ZC3HAV1: variants seen among roughly 807,000 people sequenced by gnomAD.
The protein encoded by ZC3HAV1 is zinc finger CCCH-type containing, antiviral 1.
Under a neutral mutation model 86.6 loss-of-function variants are expected in ZC3HAV1, and 41 were observed. That is an observed-to-expected ratio of 0.47 (90% confidence interval 0.37 to 0.61). The LOEUF (loss-of-function observed/expected upper bound fraction) is 0.61, where lower values mean the gene tolerates loss of function less well. Ranked by LOEUF, ZC3HAV1 falls within the 20% of genes least tolerant of loss-of-function variation. The pLI is 0.00. For synonymous variants in ZC3HAV1, 421 were observed against 432.1 expected (o/e 0.97, Z 0.32); for missense variants, 964 against 1,141.1 (o/e 0.84, Z 2.24).
At position 139,083,827 on chromosome 7, in the gene ZC3HAV1, T is replaced by G; in HGVS notation, c.650A>C (p.Asp217Ala). The G allele has an allele frequency of 6.2e-7, 1 of 1,613,910 alleles. No homozygotes were observed. ...CTGCATGTGCTTGCTGTTGCAGATG[T>G]CCTGGATGTTCTGGACCACGTCGGG... Reference protein sequence around the residue: ...LNPDVVQNIQDICNSKHMQKN... With the variant: ...LNPDVVQNIQAICNSKHMQKN... The change falls in exon 3 of 13, where the codon GAC becomes GCC. Residue 217 changes from aspartate to alanine, a missense_variant. Transcript: ENST00000242351.
At position 139,076,312 on chromosome 7, in the gene ZC3HAV1, T is replaced by C. The variant is rs149884603; in HGVS notation, c.1671A>G (p.Lys557=). 104 of 1,614,060 alleles carry C rather than the reference T, an allele frequency of 6.4e-5. No individual in the cohort carries two copies. Among genetic ancestry groups the C allele is most frequent in the Non-Finnish European group, 8.4e-5 (99 of 1,180,036 alleles). The change falls in exon 6 of 13, where the codon AAA becomes AAG. Residue 557 remains lysine, a synonymous_variant. Transcript: ENST00000242351. Reference sequence around the variant, plus strand: ...GGTGGATTCCGGGGTTACAGTAGCCTTTCTCGATCGTCTCCATGTGCTCAA... The same window carrying C: ...GGTGGATTCCGGGGTTACAGTAGCCCTTCTCGATCGTCTCCATGTGCTCAA... ...TDFEHMETIE[K]GYCNPGIHLC...
chr7:139,109,484 C>T lies in ZC3HAV1; in HGVS notation c.-153G>A. The T allele has an allele frequency of 1.1e-6, 1 of 937,056 alleles. No individual in the cohort carries two copies. Among genetic ancestry groups the T allele is most frequent in the Non-Finnish European group, 1.5e-6 (1 of 650,566 alleles). 58.0% of individuals were successfully genotyped at this position (937,056 alleles called of 1,614,324 possible). On this transcript the variant is annotated 5_prime_UTR_variant, in exon 1 of 13. Transcript: ENST00000242351. ...AGGGCGCGCTCTCCGTCGCCGTTAG[C>T]CCAGCCCAGCGATCCACTCTCGGCT... is the stretch of plus-strand genomic sequence containing the variant.
In ZC3HAV1 at chr7:139,053,393, C is replaced by T. The variant is rs532061813; in HGVS notation, c.2449+58G>A. The T allele has an allele frequency of 3.8e-5, 57 of 1,486,924 alleles. 1 individual carries two copies. In the African/African-American group the frequency reaches 7.5e-4, roughly 20 times the overall value. 92.1% of individuals were successfully genotyped at this position (1,486,924 alleles called of 1,614,324 possible). A position where few individuals can be genotyped will look rare whatever the true frequency, so the allele number is the denominator to read the frequency against. ...AATTACATATACCTCCTAATAGAAG[C>T]ACATATAAAGCCCGAGTTATGACTC... On this transcript the variant is annotated intron_variant, in intron 12 of 12. Coordinates refer to ENST00000242351, the MANE Select transcript of ZC3HAV1 (RefSeq NM_020119.4).
chr7:139,051,405 ATTTT>A (rs58931897), intron 12 of ZC3HAV1, among the ~76,000 whole-genome samples: 1 of 133,078 alleles, frequency 7.5e-6, no homozygotes, highest in African/African-American at 2.8e-5. Context: ...CAATCATTTA[ATTTT>A]TTTTTTTTTT....
intron 1 of ZC3HAV1, among the ~76,000 whole-genome samples, chr7:139,097,996 G>A (rs540727250): frequency 1.2e-3 from 177 of 152,020 alleles, no homozygotes; most frequent in African/African-American, 4.0e-3. Flanking sequence ...CCAGGTTGGA[G>A]GGCAATGGTG....
At chr7:139,077,139 T>C (rs1194171711) in intron 5 of ZC3HAV1, among the ~76,000 whole-genome samples, 2 of 152,244 alleles carry the variant, frequency 1.3e-5, no homozygotes, top group Non-Finnish European at 2.9e-5. Context: ...GACTTGTATT[T>C]TTTGCATTCC....
intron 6 of ZC3HAV1, 36 bp downstream of exon 6, chr7:139,076,250 G>A (rs1329484015): frequency 6.2e-7 from 1 of 1,613,496 alleles, no homozygotes. Flanking sequence ...TGATAATGTT[G>A]GACTCTTGAA....
At chr7:139,107,025 C>T (rs1817956828) in intron 1 of ZC3HAV1, among the ~76,000 whole-genome samples, 1 of 151,924 alleles carries the variant, frequency 6.6e-6, no homozygotes, top group Admixed American at 6.6e-5. Context: ...AAATAAAAAG[C>T]ATATGTATTT....
chr7:139,079,682 T>G lies in ZC3HAV1; in HGVS notation c.1259A>C (p.Gln420Pro). 6.2e-7 allele frequency: 1 copy of G among 1,614,220 alleles called. No individual in the cohort carries two copies. Among genetic ancestry groups the G allele is most frequent in the Non-Finnish European group, 8.5e-7 (1 of 1,180,036 alleles). The stretch of plus-strand genomic sequence containing the variant: ...AAAAAGAGGGCCAGGCTGGATGTCC[T>G]GAGTTCCACTTTTGCCATTGATGAT... The part of the protein sequence containing the change: ...YRIINGKSGT[Q>P]DIQPGPLFNN... Residue 420 changes from glutamine (Q) to proline (P), a missense_variant, in exon 4 of 13, where the codon CAG (glutamine) becomes CCG (proline). Transcript: ENST00000242351.
chr7:139,076,122 A>C (rs1159310650), intron 6 of ZC3HAV1, among the ~76,000 whole-genome samples, 164 bp downstream of exon 6: 1 of 152,178 alleles, frequency 6.6e-6, no homozygotes, highest in African/African-American at 2.4e-5. Context: ...GTTTTCCTTC[A>C]TTAACTCGGC....
At chr7:139,084,370 C>A (rs1308038236) in intron 2 of ZC3HAV1, among the ~76,000 whole-genome samples, 1 of 152,216 alleles carries the variant, frequency 6.6e-6, no homozygotes, top group Non-Finnish European at 1.5e-5. Context: ...TATCAACTCA[C>A]TTTGCAATGA....
chr7:139,089,850 C>CT, intron 1 of ZC3HAV1, 91 bp from the exon 2 acceptor site: 1 of 1,383,328 alleles, frequency 7.2e-7, no homozygotes, highest in Non-Finnish European at 9.6e-7. Flanking sequence ...TGCAAAGACC[C>CT]GTGCCCATAT....
chr7:139,090,838 T>C (rs933858621), intron 1 of ZC3HAV1, among the ~76,000 whole-genome samples: 18 of 152,196 alleles, frequency 1.2e-4, no homozygotes, highest in Admixed American at 3.3e-4. Context: ...GATCTTACAG[T>C]GTAACCTCAT....
chr7:139,068,516 T>C (rs1413472901), intron 7 of ZC3HAV1, among the ~76,000 whole-genome samples: 1 of 152,260 alleles, frequency 6.6e-6, no homozygotes, highest in Non-Finnish European at 1.5e-5. Context: ...GTAGCCAAGC[T>C]ATGTGTGGCT....
Position 139,046,042 on chromosome 7 carries a change from T to C in ZC3HAV1, c.*1552A>G, listed in dbSNP as rs1815947603. On this transcript the variant is annotated 3_prime_UTR_variant, in exon 13 of 13. Transcript: ENST00000242351. Reference sequence around the variant, plus strand: ...AATTAAATCTGACTTATAACTTGTCTGCTAAAAGAAATTATAACAGGAAAC... The same window carrying C: ...AATTAAATCTGACTTATAACTTGTCCGCTAAAAGAAATTATAACAGGAAAC... 1 of 151,426 alleles carries C rather than the reference T, an allele frequency of 6.6e-6. No homozygotes were observed. Among genetic ancestry groups the C allele is most frequent in the Admixed American group, 6.6e-5 (1 of 15,132 alleles). 9.4% of individuals were successfully genotyped at this position (151,426 alleles called of 1,614,324 possible). A position where few individuals can be genotyped will look rare whatever the true frequency, so the allele number is the denominator to read the frequency against.
chr7:139,061,516 C>T (rs555177676), intron 8 of ZC3HAV1, among the ~76,000 whole-genome samples: 2 of 152,330 alleles, frequency 1.3e-5, no homozygotes, highest in African/African-American at 4.8e-5. Flanking sequence ...TTCTTTTCTA[C>T]ATCAAGTGTG....
At position 139,076,291 on chromosome 7, in the gene ZC3HAV1, G is replaced by A. The variant is rs977163852; in HGVS notation, c.1692C>T (p.Ile564=). Residue 564 remains isoleucine (I), a synonymous_variant, in exon 6 of 13, where the codon ATC becomes ATT. Coordinates refer to ENST00000242351, the MANE Select transcript of ZC3HAV1 (RefSeq NM_020119.4). ...GAGTACAGCCACCAACTTACAGGTG[G>A]ATTCCGGGGTTACAGTAGCCTTTCT... ...TIEKGYCNPG[I]HLCSVGSYTI... The A allele has an allele frequency of 1.2e-6, 2 of 1,614,062 alleles. No homozygotes were observed. The highest frequency in any genetic ancestry group is 2.7e-5 in the African/African-American group (2 of 74,912).
chr7:139,058,066 G>A (rs1816338293), intron 9 of ZC3HAV1, among the ~76,000 whole-genome samples: 1 of 152,028 alleles, frequency 6.6e-6, no homozygotes, highest in Non-Finnish European at 1.5e-5. Context: ...GTTCAGGATA[G>A]TACCCCAGCC....
At chr7:139,095,227 C>T (rs78295931) in intron 1 of ZC3HAV1, among the ~76,000 whole-genome samples, 1,581 of 152,134 alleles carry the variant, frequency 0.01, 27 homozygotes, top group African/African-American at 0.036. Context: ...AACCCTAACG[C>T]GATATTATTT....
Sources: gnomAD v4.1 joint callset for allele counts (sites outside exome capture counted in the v4.1 genomes callset) on GRCh38, gnomAD v4.1.1 for gene constraint, MANE v1.5 for transcripts, NCBI Gene and HGNC (gene_info 2026-07-23, HGNC 2026-07-21) for gene names.